NCOR2: variants seen among roughly 807,000 people sequenced by gnomAD.
The protein encoded by NCOR2 is CTG repeat protein 26.
A neutral mutation model predicts 262.9 loss-of-function variants in NCOR2; 81 were observed. The ratio of observed to expected loss-of-function variants is 0.31; its 90% CI spans 0.26 to 0.37. NCOR2 has a LOEUF of 0.37. Ranked by LOEUF, NCOR2 falls within the 10% of genes least tolerant of loss-of-function variation. The pLI, the probability that NCOR2 is intolerant of heterozygous loss-of-function variation, is 1.00. For synonymous variants in NCOR2, 1,659 were observed against 1,559.3 expected (o/e 1.06, Z -1.51); for missense variants, 3,385 against 3,621.4 (o/e 0.93, Z 1.68).
intron 44 of NCOR2, 95 bp from the exon 47 acceptor site, chr12:124,327,728 AAGG>A (rs150410001): frequency 0.033 from 26,291 of 799,038 alleles, 712 homozygotes; most frequent in South Asian, 0.12. Context: ...AGAGAGAGGG[AAGG>A]AGGAGGAGGA....
Position 124,503,483 on chromosome 12 carries a change from A to ATGATGGATTGATGGATTGATGGAT in NCOR2, c.-117-8116_-117-8115insATCCATCAATCCATCAATCCATCA, listed in dbSNP as rs757108752. On this transcript the variant is annotated intron_variant, in intron 1 of 46. Coordinates refer to the NCOR2 transcript ENST00000404621. The surrounding 1 kb of genome is among the most constrained non-coding windows in gnomAD (Gnocchi z 4.3). ...CATGGACTGATGGATGGATGGATGG[A>ATGATGGATTGATGGATTGATGGAT]TGATGGATTGATGGATGGATGGATG... Among the ~76,000 whole-genome samples the ATGATGGATTGATGGATTGATGGAT allele has an allele frequency of 5.9e-5, 9 of 151,320 alleles. No homozygotes were observed. The highest frequency in any genetic ancestry group is 2.2e-4 in the African/African-American group (9 of 40,972).
intron 1 of NCOR2, among the ~76,000 whole-genome samples, chr12:124,552,685 T>G (rs2051751170): frequency 6.6e-6 from 1 of 151,182 alleles, no homozygotes; most frequent in African/African-American, 2.4e-5. Context: ...TTCGGGGGGG[T>G]TAGGAGGTTT....
chr12:124,332,825 C>A (rs2035322648), intron 42 of NCOR2, among the ~76,000 whole-genome samples: 1 of 152,190 alleles, frequency 6.6e-6, no homozygotes, highest in South Asian at 2.1e-4. Flanking sequence ...TCACCCATCG[C>A]CCCCGGTCTG....
chr12:124,520,988 C>A (rs370071838), intron 1 of NCOR2, among the ~76,000 whole-genome samples: 1 of 152,210 alleles, frequency 6.6e-6, no homozygotes, highest in African/African-American at 2.4e-5. Flanking sequence ...AGCTGAGTGG[C>A]CCCAGGCAAG....
chr12:124,353,263 C>A (rs1308817985), intron 27 of NCOR2, among the ~76,000 whole-genome samples: 1 of 152,232 alleles, frequency 6.6e-6, no homozygotes, highest in African/African-American at 2.4e-5. Flanking sequence ...TCAGGGCAGG[C>A]CGCTGCCTGT....
chr12:124,491,908 C>T (rs1354935347), intron 1 of NCOR2, among the ~76,000 whole-genome samples: 3 of 152,118 alleles, frequency 2.0e-5, no homozygotes, highest in African/African-American at 7.2e-5. Context: ...CAGAGGGATG[C>T]GGCAGGTAGG....
At position 124,440,747 on chromosome 12, in the gene NCOR2, G is replaced by A. The variant is rs957258830; in HGVS notation, c.816-2751C>T. Among the ~76,000 whole-genome samples, 9 of 152,212 alleles carry A rather than the reference G, an allele frequency of 5.9e-5. No individual in the cohort carries two copies. The highest frequency in any genetic ancestry group is 5.2e-4 in the Admixed American group (8 of 15,284). ...CTTAAATGGAATGGTGGGCTAGTGGGTGCTGGGGGACGGGGTGTGAGGGGC... is the reference window on the plus strand; with the variant it reads ...CTTAAATGGAATGGTGGGCTAGTGGATGCTGGGGGACGGGGTGTGAGGGGC... On this transcript the variant is annotated intron_variant, in intron 7 of 46. Transcript: ENST00000405201. The surrounding 1 kb of genome is among the most constrained non-coding windows in gnomAD (Gnocchi z 5.7).
At position 124,443,578 on chromosome 12, in the gene NCOR2, C is replaced by A. The variant is rs946076095; in HGVS notation, c.816-5582G>T. Among the ~76,000 whole-genome samples the A allele has an allele frequency of 3.9e-5, 6 of 152,164 alleles. No homozygotes were observed. Among genetic ancestry groups the A allele is most frequent in the Non-Finnish European group, 7.3e-5 (5 of 68,040 alleles). On this transcript the variant is annotated intron_variant, in intron 7 of 46. Transcript: ENST00000405201. The surrounding 1 kb of genome is among the most constrained non-coding windows in gnomAD (Gnocchi z 4.4). ...AGTGCAGTGGCGCAATCTCGGCTCA[C>A]TGCAACCTCTGCCTCCCGGGTTCAA...
Position 124,431,341 on chromosome 12 carries a change from G to A in NCOR2, c.883-554C>T, listed in dbSNP as rs557840646. Among the ~76,000 whole-genome samples, 24 of 146,754 alleles carry A rather than the reference G, an allele frequency of 1.6e-4. No homozygotes were observed. The South Asian group carries it at 2.4e-3, about 15-fold the overall frequency. ...CATACACACATGCAGTCACCCACAC[G>A]GTACACACACAGTAGACACACAGTC... On this transcript the variant is annotated intron_variant, in intron 8 of 46. Transcript: ENST00000405201.
intron 1 of NCOR2, among the ~76,000 whole-genome samples, chr12:124,541,854 G>A (rs2051372540): frequency 1.5e-5 from 1 of 66,140 alleles, no homozygotes; most frequent in Non-Finnish European, 3.3e-5. Flanking sequence ...AGATGGAGGG[G>A]GTGGGGAGTG....
rs946587342 is a variant in NCOR2 at position 124,432,160 on chromosome 12, A to C, written c.883-1373T>G. Among the ~76,000 whole-genome samples the C allele has an allele frequency of 4.6e-5, 7 of 152,028 alleles. No homozygotes were observed. In the South Asian group the frequency reaches 8.3e-4, roughly 18 times the overall value. ...CGCAGGCAGACAAACAGATGCACAC[A>C]CAGGGTCTCGCAGGCAGACATGATG... On this transcript the variant is annotated intron_variant, in intron 8 of 46. Transcript: ENST00000405201. This position sits in a 1 kb window ranked among gnomAD's most constrained non-coding sequence, Gnocchi z 5.1.
chr12:124,425,571 C>T (rs540892805), intron 11 of NCOR2, among the ~76,000 whole-genome samples: 1 of 152,218 alleles, frequency 6.6e-6, no homozygotes, highest in South Asian at 2.1e-4. Flanking sequence ...CGTGGGGTGG[C>T]TCAGCAGGGC....
exon 24 of NCOR2, chr12:124,355,512 T>C: frequency 6.2e-7 from 1 of 1,607,292 alleles, no homozygotes. Flanking sequence ...TTGGAGATGG[T>C]GGGTGGGCGC....
chr12:124,438,053 C>T lies in NCOR2; in HGVS notation c.816-57G>A, dbSNP rs933582030. On this transcript the variant is annotated intron_variant, in intron 7 of 46. Coordinates refer to ENST00000405201, the Ensembl canonical transcript of NCOR2. ...CCCGGCCGGGCTCAGGCGCTGCACC[C>T]CGTGCCATCCTGTTTGCTGAGAGTG... 53 of 1,522,928 alleles carry T rather than the reference C, an allele frequency of 3.5e-5. 1 individual carries two copies. The highest frequency in any genetic ancestry group is 9.5e-5 in the Admixed American group (5 of 52,852). The allele number at this position is 1,522,928 out of a possible 1,614,324, so 94.3% of individuals were successfully genotyped here.
At chr12:124,539,896 C>G (rs748830372), upstream of NCOR2, among the ~76,000 whole-genome samples, 2 of 152,150 alleles carry the variant, frequency 1.3e-5, no homozygotes, top group Non-Finnish European at 2.9e-5. The surrounding 1 kb of genome is among the most constrained non-coding windows in gnomAD (Gnocchi z 5.1). Flanking sequence ...ATTCGCCACA[C>G]CCAGAGATGG....
In NCOR2 at chr12:124,432,434, A is replaced by G. The variant is rs940181222; in HGVS notation, c.883-1647T>C. ...CACCCACCATGTGTGGCTCAACTGA[A>G]ATCACAAATCCAGTAAAATTTAAGA... On this transcript the variant is annotated intron_variant, in intron 8 of 46. Transcript: ENST00000405201. The surrounding 1 kb of genome is among the most constrained non-coding windows in gnomAD (Gnocchi z 5.1). 1.3e-5 allele frequency among the ~76,000 whole-genome samples: 2 copies of G among 152,100 alleles called. No individual in the cohort carries two copies. Among genetic ancestry groups the G allele is most frequent in the African/African-American group, 4.8e-5 (2 of 41,408 alleles).
At chr12:124,383,441 A>T in intron 17 of NCOR2, 1 of 649,922 alleles carries the variant, frequency 1.5e-6, no homozygotes, top group Non-Finnish European at 2.1e-6. Flanking sequence ...TGGTCACCAC[A>T]CTCAACAGGG....
chr12:124,366,884 T>C (rs2039081584), intron 20 of NCOR2, among the ~76,000 whole-genome samples: 1 of 152,078 alleles, frequency 6.6e-6, no homozygotes, highest in South Asian at 2.1e-4. Context: ...GGTTACAAAA[T>C]GAAATGAGGA....
At chr12:124,383,610 C>G (rs1462878416) in intron 17 of NCOR2, 1 of 226,070 alleles carries the variant, frequency 4.4e-6, no homozygotes, top group African/African-American at 2.3e-5. Flanking sequence ...ACAATAACCA[C>G]AGCAGTAAGA....
Sources: gnomAD v4.1 joint callset for allele counts (sites outside exome capture counted in the v4.1 genomes callset) on GRCh38, gnomAD v4.1.1 for gene constraint, Gnocchi (gnomAD v3.1) non-coding constraint, MANE v1.5 for transcripts, NCBI Gene and HGNC (gene_info 2026-07-23, HGNC 2026-07-21) for gene names.